The following PCDHGA2 variants were observed in gnomAD, a reference collection of about 807,000 sequenced individuals.
PCDHGA2 encodes protocadherin gamma subfamily A, 2.
PCDHGA2 carries 40 observed loss-of-function variants against 59.2 expected under a neutral mutation model. The ratio of observed to expected loss-of-function variants is 0.68; its 90% CI spans 0.52 to 0.88. The LOEUF is 0.88. Among genes scored for constraint, PCDHGA2 ranks in the 40% least tolerant of loss-of-function variants. PCDHGA2 has a pLI of 0.00. For synonymous variants in PCDHGA2, 560 were observed against 526.0 expected, an observed-to-expected ratio of 1.06 and a Z score of -0.89; for missense variants, 1,226 against 1,204.0, an observed-to-expected ratio of 1.02 and a Z score of -0.27.
At chr5:141,345,723 T>C in intron 1 of PCDHGA2, 1 of 1,614,214 alleles carries the variant, frequency 6.2e-7, no homozygotes, top group Non-Finnish European at 8.5e-7. Context: ...CGAGATCCTG[T>C]ACCCCGCCCT....
intron 1 of PCDHGA2, chr5:141,421,577 T>C (rs1385519860): frequency 1.4e-5 from 22 of 1,613,748 alleles, no homozygotes; most frequent in Non-Finnish European, 1.5e-5. Context: ...ACCTTGAAGA[T>C]TTACGGAGTG....
intron 1 of PCDHGA2, among the ~76,000 whole-genome samples, chr5:141,469,103 C>G (rs949254605): frequency 6.6e-6 from 1 of 151,844 alleles, no homozygotes; most frequent in Non-Finnish European, 1.5e-5. Flanking sequence ...AAAGCAAGAA[C>G]CTGTCTCTAA....
intron 1 of PCDHGA2, chr5:141,376,072 C>T (rs755171325): frequency 6.8e-6 from 11 of 1,613,380 alleles, no homozygotes; most frequent in South Asian, 6.6e-5. Context: ...TCACCGTGGC[C>T]GTGGCCGACA....
intron 1 of PCDHGA2, chr5:141,423,450 T>G (rs571358720): frequency 1.2e-6 from 2 of 1,614,050 alleles, no homozygotes; most frequent in East Asian, 4.5e-5. Flanking sequence ...CGTCACATTT[T>G]GTAGGCGTGG....
chr5:141,475,628 C>T (rs2099366226), intron 1 of PCDHGA2, among the ~76,000 whole-genome samples: 1 of 152,116 alleles, frequency 6.6e-6, no homozygotes. Context: ...TTGGTTCGAT[C>T]CCCTTTCTTG....
chr5:141,361,767 C>G, intron 1 of PCDHGA2: 1 of 1,613,142 alleles, frequency 6.2e-7, no homozygotes. Context: ...CGCTCAGCGC[C>G]AACGTGAGCC....
intron 1 of PCDHGA2, among the ~76,000 whole-genome samples, chr5:141,457,517 TTAA>T (rs1261688593): frequency 6.6e-6 from 1 of 152,196 alleles, no homozygotes; most frequent in Non-Finnish European, 1.5e-5. Flanking sequence ...TTAAAAACAA[TTAA>T]TGAGACTAGG....
intron 2 of PCDHGA2, among the ~76,000 whole-genome samples, chr5:141,495,471 G>A (rs2099761632): frequency 6.6e-6 from 1 of 152,190 alleles, no homozygotes; most frequent in Non-Finnish European, 1.5e-5. Context: ...TGGGGTCTCC[G>A]TGTCTCTGCC....
At chr5:141,465,266 C>G (rs2099099623) in intron 1 of PCDHGA2, among the ~76,000 whole-genome samples, 1 of 152,096 alleles carries the variant, frequency 6.6e-6, no homozygotes, top group South Asian at 2.1e-4. Flanking sequence ...ATGATACTAG[C>G]CATTTAGTTC....
At chr5:141,401,213 G>T (rs1259778152) in intron 1 of PCDHGA2, among the ~76,000 whole-genome samples, 2 of 152,014 alleles carry the variant, frequency 1.3e-5, no homozygotes, top group African/African-American at 4.8e-5. Flanking sequence ...GTGGTGGCGG[G>T]CGCCTGTAAT....
In PCDHGA2 at chr5:141,361,275, A is replaced by G. The variant is rs1366836369; in HGVS notation, c.2424+19880A>G. ...GAGACAGAGACTCTGGAGAAAATGGAGAAGTTTACTGCCAAGTGTTGGGAA... is the reference window on the plus strand; with the variant it reads ...GAGACAGAGACTCTGGAGAAAATGGGGAAGTTTACTGCCAAGTGTTGGGAA... On this transcript the variant is annotated intron_variant, in intron 1 of 3. Coordinates refer to ENST00000394576, the MANE Select transcript of PCDHGA2 (RefSeq NM_018915.4). 3 of 1,613,976 alleles carry G rather than the reference A, an allele frequency of 1.9e-6. No individual in the cohort carries two copies. In the East Asian group the frequency reaches 6.7e-5, roughly 36 times the overall value.
chr5:141,416,449 G>A (rs938389094), intron 1 of PCDHGA2: 1 of 152,138 alleles, frequency 6.6e-6, no homozygotes, highest in Non-Finnish European at 1.5e-5. Context: ...AATATGGGTT[G>A]GGAAGACAGA....
In PCDHGA2 at chr5:141,351,619, T is replaced by C. The variant is rs200864490; in HGVS notation, c.2424+10224T>C. 1,007 of 1,614,032 alleles carry C rather than the reference T, an allele frequency of 6.2e-4. 7 individuals carry two copies. The South Asian group carries it at 7.4e-3, about 12-fold the overall frequency. ...CACCTGTTTTCCATCAGGCCTCCTA[T>C]GTGGTCCACGTGTCTGAGAACAACC... On this transcript the variant is annotated intron_variant, in intron 1 of 3. Transcript: ENST00000394576.
intron 1 of PCDHGA2, chr5:141,343,717 T>C (rs1324565577): frequency 8.6e-6 from 2 of 233,038 alleles, no homozygotes; most frequent in African/African-American, 4.5e-5. Context: ...GGATTTCAGA[T>C]CTTGGATAAT....
intron 1 of PCDHGA2, chr5:141,427,630 T>C (rs1043983899): frequency 2.8e-6 from 2 of 702,530 alleles, no homozygotes; most frequent in African/African-American, 1.7e-5. Context: ...AATGCTCCGG[T>C]TTTCCACCAA....
intron 1 of PCDHGA2, among the ~76,000 whole-genome samples, chr5:141,450,363 T>C (rs2098678373): frequency 6.6e-6 from 1 of 152,162 alleles, no homozygotes; most frequent in Admixed American, 6.5e-5. Flanking sequence ...TTCCTCAGCC[T>C]TGTTTGTTTA....
At chr5:141,356,669 C>T in intron 1 of PCDHGA2, 1 of 1,614,006 alleles carries the variant, frequency 6.2e-7, no homozygotes. Flanking sequence ...ATCACTTACT[C>T]CCTGGCCGAA....
At chr5:141,402,491 A>T (rs1186098298) in intron 1 of PCDHGA2, among the ~76,000 whole-genome samples, 1 of 152,242 alleles carries the variant, frequency 6.6e-6, no homozygotes, top group Non-Finnish European at 1.5e-5. Flanking sequence ...TCTACCAAGA[A>T]TAAGAATAAA....
Position 141,490,970 on chromosome 5 carries a change from A to G in PCDHGA2, c.2425-3837A>G. ...CCAGACTGGGAACACTCAGCCCCCC[A>G]GCGTCTCCCTCGCTCTGCTCCTCCT... On this transcript the variant is annotated intron_variant, in intron 1 of 3. Coordinates refer to ENST00000394576, the MANE Select transcript of PCDHGA2 (RefSeq NM_018915.4). This position sits in a 1 kb window ranked among gnomAD's most constrained non-coding sequence, Gnocchi z 5.4. 1 of 1,613,858 alleles carries G rather than the reference A, an allele frequency of 6.2e-7. No individual in the cohort carries two copies. Among genetic ancestry groups the G allele is most frequent in the South Asian group, 1.1e-5 (1 of 91,062 alleles).
Sources: allele counts gnomAD v4.1 joint callset (sites outside exome capture counted in the v4.1 genomes callset), GRCh38; gene constraint gnomAD v4.1.1; non-coding constraint Gnocchi (gnomAD v3.1); transcripts MANE v1.5; gene names NCBI Gene and HGNC (gene_info 2026-07-23, HGNC 2026-07-21).